DLG1: variants seen among roughly 807,000 people sequenced by gnomAD.
DLG1 encodes discs large MAGUK scaffold protein 1, also known as disks large homolog 1.
DLG1 carries 42 observed loss-of-function variants against 123.4 expected under a neutral mutation model. The observed-to-expected ratio is 0.34, with a 90% CI of 0.27 to 0.44. DLG1 has a LOEUF of 0.44. Ranked by LOEUF, DLG1 falls within the 20% of genes least tolerant of loss-of-function variation. The probability of loss-of-function intolerance (pLI) is 1.00; values close to 1 mark genes in which losing one functional copy is unlikely to be tolerated. For missense variants in DLG1, 942 were observed against 1,082.6 expected, an observed-to-expected ratio of 0.87 and a Z score of 1.82; for synonymous variants, 317 against 356.2, an observed-to-expected ratio of 0.89 and a Z score of 1.24.
intron 4 of DLG1, among the ~76,000 whole-genome samples, chr3:197,225,160 G>A (rs547883171): frequency 1.3e-4 from 20 of 152,268 alleles, no homozygotes; most frequent in Admixed American, 2.0e-4. Context: ...GGGTTTCACC[G>A]TGTTAACCAG....
chr3:197,282,063 A>C (rs1392690769), intron 4 of DLG1, among the ~76,000 whole-genome samples: 1 of 152,254 alleles, frequency 6.6e-6, no homozygotes, highest in Non-Finnish European at 1.5e-5. Context: ...TCTTAGGCAG[A>C]ATCTTTGTTA....
intron 17 of DLG1, among the ~76,000 whole-genome samples, chr3:197,078,852 A>G (rs918515589): frequency 6.6e-5 from 10 of 152,198 alleles, no homozygotes; most frequent in Non-Finnish European, 1.3e-4. Flanking sequence ...TACTGCATCT[A>G]TAGTGGTCAG....
At chr3:197,286,560 G>A (rs544633107) in intron 3 of DLG1, among the ~76,000 whole-genome samples, 21 of 152,302 alleles carry the variant, frequency 1.4e-4, no homozygotes, top group South Asian at 1.0e-3. Context: ...TCTGTGGCAC[G>A]GGAGTTGGGG....
intron 5 of DLG1, among the ~76,000 whole-genome samples, chr3:197,152,500 G>A: frequency 6.8e-6 from 1 of 146,992 alleles, no homozygotes; most frequent in East Asian, 2.0e-4. Flanking sequence ...GTTTAGGCCG[G>A]GTGCGGTGGC....
intron 5 of DLG1, chr3:197,183,953 AT>A: frequency 7.0e-7 from 1 of 1,428,260 alleles, no homozygotes; most frequent in South Asian, 1.5e-5. Context: ...AATGATGCTC[AT>A]TTTCTCAGTG....
chr3:197,115,491 A>G (rs1342418920), intron 13 of DLG1, among the ~76,000 whole-genome samples: 1 of 152,224 alleles, frequency 6.6e-6, no homozygotes, highest in Non-Finnish European at 1.5e-5. Flanking sequence ...ACCCAATAAT[A>G]CAATTTCAAA....
intron 11 of DLG1, among the ~76,000 whole-genome samples, chr3:197,127,442 A>T (rs1579840675): frequency 3.6e-5 from 1 of 27,712 alleles, no homozygotes; most frequent in Non-Finnish European, 7.1e-5. Context: ...AAAAAAAAAA[A>T]AAAAAAAAAA....
intron 4 of DLG1, among the ~76,000 whole-genome samples, chr3:197,270,225 A>G (rs1763356604): frequency 6.6e-6 from 1 of 152,244 alleles, no homozygotes; most frequent in South Asian, 2.1e-4. Flanking sequence ...CTAGTAAAGC[A>G]TATCCTAAGA....
At chr3:197,125,701 G>A (rs1296537178) in intron 11 of DLG1, among the ~76,000 whole-genome samples, 1 of 152,160 alleles carries the variant, frequency 6.6e-6, no homozygotes, top group Non-Finnish European at 1.5e-5. Context: ...TTGAAGTGGA[G>A]GGCAGGATAG....
At chr3:197,222,508 A>G (rs929928025) in intron 4 of DLG1, among the ~76,000 whole-genome samples, 3 of 152,154 alleles carry the variant, frequency 2.0e-5, no homozygotes, top group Non-Finnish European at 4.4e-5. Flanking sequence ...TAGTGGGGAA[A>G]ATGATGTAAT....
intron 14 of DLG1, among the ~76,000 whole-genome samples, chr3:197,101,257 A>T (rs1170979346): frequency 6.6e-6 from 1 of 152,252 alleles, no homozygotes; most frequent in African/African-American, 2.4e-5. Flanking sequence ...AGCTTATTCA[A>T]CTACAACGTA....
intron 16 of DLG1, among the ~76,000 whole-genome samples, chr3:197,085,094 T>A (rs903566383): frequency 6.6e-6 from 1 of 151,432 alleles, no homozygotes. Flanking sequence ...AGCCTAATTG[T>A]ATATATTTAA....
intron 22 of DLG1, among the ~76,000 whole-genome samples, chr3:197,063,909 A>G (rs116348484): frequency 1.2e-3 from 183 of 150,812 alleles, no homozygotes; most frequent in African/African-American, 4.2e-3. Context: ...TTGAATTTAG[A>G]GTAGTCTTCT....
intron 5 of DLG1, among the ~76,000 whole-genome samples, chr3:197,152,425 T>TTG (rs1444553804): frequency 2.0e-5 from 3 of 147,136 alleles, no homozygotes; most frequent in Admixed American, 6.7e-5. Context: ...AAGTCTTTTT[T>TTG]TTTTTTTTTT....
At chr3:197,144,330 A>C (rs548513546) in intron 6 of DLG1, among the ~76,000 whole-genome samples, 2 of 152,264 alleles carry the variant, frequency 1.3e-5, no homozygotes, top group South Asian at 4.1e-4. Flanking sequence ...GCCTACAGAG[A>C]GATCTAACCA....
chr3:197,251,177 C>T (rs1182893600), intron 4 of DLG1, among the ~76,000 whole-genome samples: 1 of 151,800 alleles, frequency 6.6e-6, no homozygotes, highest in Non-Finnish European at 1.5e-5. Context: ...TTGACTACAG[C>T]CTGGACAACA....
intron 3 of DLG1, among the ~76,000 whole-genome samples, chr3:197,288,932 T>C (rs1032246732): frequency 6.6e-6 from 1 of 152,014 alleles, no homozygotes; most frequent in African/African-American, 2.4e-5. Context: ...GTCTACCCAA[T>C]AAGTGACTGT....
At chr3:197,064,399 G>T (rs1490997013) in intron 22 of DLG1, among the ~76,000 whole-genome samples, 1 of 152,128 alleles carries the variant, frequency 6.6e-6, no homozygotes, top group Non-Finnish European at 1.5e-5. Context: ...CACCATGTTG[G>T]CCAGGCTGGT....
intron 4 of DLG1, among the ~76,000 whole-genome samples, chr3:197,262,301 T>C (rs1038623418): frequency 2.0e-5 from 3 of 152,280 alleles, no homozygotes; most frequent in African/African-American, 7.2e-5. Flanking sequence ...ACATGTGATG[T>C]GCTTTTGGGT....
Sources: allele counts gnomAD v4.1 joint callset (sites outside exome capture counted in the v4.1 genomes callset), GRCh38; gene constraint gnomAD v4.1.1; transcripts MANE v1.5; gene names NCBI Gene and HGNC (gene_info 2026-07-23, HGNC 2026-07-21).